Variants in HOOK3 observed in about 807,000 individuals in gnomAD.
HOOK3 encodes the protein protein Hook homolog 3.
HOOK3 carries 24 observed loss-of-function variants against 116.3 expected under a neutral mutation model. That is an observed-to-expected ratio of 0.21 (90% CI 0.15 to 0.29). HOOK3 has a LOEUF of 0.29. HOOK3 is among the 10% of genes least tolerant of loss of function. The probability of loss-of-function intolerance (pLI) is 1.00; values close to 1 mark genes in which losing one functional copy is unlikely to be tolerated. For synonymous variants in HOOK3, 275 were observed against 283.0 expected (o/e 0.97, Z 0.28); for missense variants, 632 against 830.2 (o/e 0.76, Z 2.93).
In HOOK3 at chr8:43,026,096, TA is replaced by T. The variant is rs1196849587; in HGVS notation, c.*7600del. 4.8e-6 allele frequency: 1 copy of T among 210,190 alleles called. No individual in the cohort carries two copies. Among genetic ancestry groups the T allele is most frequent in the Non-Finnish European group, 9.6e-6 (1 of 103,676 alleles). 13.0% of individuals were successfully genotyped at this position (210,190 alleles called of 1,614,324 possible). On this transcript the variant is annotated 3_prime_UTR_variant, in exon 22 of 22. Coordinates refer to ENST00000307602, the MANE Select transcript of HOOK3 (RefSeq NM_032410.4). ...ACATGGGAGACTTCCAGGTAGGCGT[TA>T]ACACTTGAGTGGTAACTAGCTTGAT...
At chr8:42,922,335 A>G (rs1245137714) in intron 2 of HOOK3, among the ~76,000 whole-genome samples, 2 of 151,958 alleles carry the variant, frequency 1.3e-5, no homozygotes, top group Non-Finnish European at 2.9e-5. Flanking sequence ...TGAGGCCAGG[A>G]GTTTGAGACC....
chr8:42,941,320 C>G (rs1808117412), intron 4 of HOOK3, among the ~76,000 whole-genome samples: 1 of 149,940 alleles, frequency 6.7e-6, no homozygotes, highest in Non-Finnish European at 1.5e-5. Context: ...TCTAGACCAT[C>G]CTGGCTAACA....
chr8:42,898,746 C>T (rs1466660622), intron 1 of HOOK3, among the ~76,000 whole-genome samples: 4 of 152,190 alleles, frequency 2.6e-5, no homozygotes, highest in Non-Finnish European at 5.9e-5. Context: ...TACAGAGGCT[C>T]CTTAACTTGC....
At chr8:43,013,486 T>A in intron 21 of HOOK3, 86 bp downstream of exon 21, 1 of 1,114,762 alleles carries the variant, frequency 9.0e-7, no homozygotes, top group Non-Finnish European at 1.2e-6. Context: ...GAAGTCACTC[T>A]ACCAAATGAA....
At chr8:42,945,680 G>A (rs113641784) in intron 5 of HOOK3, among the ~76,000 whole-genome samples, 11 of 152,170 alleles carry the variant, frequency 7.2e-5, no homozygotes, top group African/African-American at 1.7e-4. Flanking sequence ...TAAGGTAGCC[G>A]CAGTTTTTTA....
chr8:43,012,452 G>A (rs1242615420), intron 19 of HOOK3, among the ~76,000 whole-genome samples: 8 of 152,042 alleles, frequency 5.3e-5, no homozygotes, highest in Non-Finnish European at 1.2e-4. Flanking sequence ...TCATTATGTG[G>A]TACATGACTG....
chr8:42,910,450 C>T (rs758889870), intron 2 of HOOK3, among the ~76,000 whole-genome samples: 2 of 152,082 alleles, frequency 1.3e-5, no homozygotes, highest in Non-Finnish European at 2.9e-5. Flanking sequence ...TCTCCTATAA[C>T]GTCCACTCAG....
chr8:42,915,891 C>G (rs948427979), intron 2 of HOOK3, among the ~76,000 whole-genome samples: 8 of 152,120 alleles, frequency 5.3e-5, no homozygotes, highest in African/African-American at 1.9e-4. Flanking sequence ...TCCTGAGAAC[C>G]CTGCATTAGT....
intron 8 of HOOK3, among the ~76,000 whole-genome samples, chr8:42,962,407 GTT>G (rs763537584): frequency 1.4e-4 from 18 of 127,554 alleles, no homozygotes; most frequent in Admixed American, 1.6e-4. Context: ...TGGCCCGTGT[GTT>G]TTTTTTTTTT....
At chr8:42,956,266 T>TG (rs1808434869) in intron 6 of HOOK3, among the ~76,000 whole-genome samples, 2 of 123,668 alleles carry the variant, frequency 1.6e-5, no homozygotes, top group African/African-American at 3.2e-5. Flanking sequence ...GTGTGTGTGT[T>TG]ATCATTAAAC....
intron 3 of HOOK3, among the ~76,000 whole-genome samples, chr8:42,928,502 T>C (rs1164416199): frequency 6.6e-6 from 1 of 152,114 alleles, no homozygotes; most frequent in African/African-American, 2.4e-5. Flanking sequence ...AAACAATTTA[T>C]GATGTTTCAA....
chr8:43,013,897 G>A (rs571937728), intron 21 of HOOK3, among the ~76,000 whole-genome samples: 2 of 152,120 alleles, frequency 1.3e-5, no homozygotes, highest in Admixed American at 6.6e-5. Flanking sequence ...GAATAGTTAC[G>A]GATTTTAAAG....
Position 43,024,295 on chromosome 8 carries a change from G to A in HOOK3, c.*5797G>A, listed in dbSNP as rs1216877895. 2.0e-5 allele frequency: 4 copies of A among 199,564 alleles called. No homozygotes were observed. The East Asian group carries it at 3.1e-4, about 16-fold the overall frequency. The allele number at this position is 199,564 out of a possible 1,614,324, so 12.4% of individuals were successfully genotyped here. The stretch of plus-strand genomic sequence containing the variant: ...GCCTAGCAGTGGCCGTCAAACTGAT[G>A]TAGCATTGTACTTCTCAACAGTGAA... On this transcript the variant is annotated 3_prime_UTR_variant, in exon 22 of 22. Coordinates refer to ENST00000307602, the MANE Select transcript of HOOK3 (RefSeq NM_032410.4).
In HOOK3 at chr8:43,026,775, T is replaced by A. The variant is rs992142798; in HGVS notation, c.*8277T>A. 4.4e-6 allele frequency: 1 copy of A among 227,924 alleles called. No homozygotes were observed. Among genetic ancestry groups the A allele is most frequent in the African/African-American group, 2.2e-5 (1 of 45,022 alleles). 14.1% of individuals were successfully genotyped at this position (227,924 alleles called of 1,614,324 possible). On this transcript the variant is annotated 3_prime_UTR_variant, in exon 22 of 22. Transcript: ENST00000307602. ...TCAAGTCGGAGGATCAGGAAAATGG[T>A]GGGGAAGAGGTGACTGGAAAGGCAG...
intron 4 of HOOK3, among the ~76,000 whole-genome samples, chr8:42,939,553 C>T (rs1358378105): frequency 4.1e-4 from 59 of 144,890 alleles, no homozygotes; most frequent in Non-Finnish European, 4.9e-4. Context: ...CCGGACAGGG[C>T]GGCTGGCCGA....
intron 4 of HOOK3, among the ~76,000 whole-genome samples, chr8:42,939,818 G>C (rs1466155132): frequency 2.0e-5 from 3 of 150,916 alleles, no homozygotes; most frequent in Non-Finnish European, 3.0e-5. Flanking sequence ...GGGCGGCCGG[G>C]CAGAGACGCT....
At chr8:42,991,905 A>G (rs1414133767) in intron 15 of HOOK3, among the ~76,000 whole-genome samples, 1 of 152,104 alleles carries the variant, frequency 6.6e-6, no homozygotes. Context: ...TTTTAACAAT[A>G]CTGATTCTTC....
intron 15 of HOOK3, among the ~76,000 whole-genome samples, chr8:42,992,171 C>T (rs186061277): frequency 0.016 from 2,497 of 151,886 alleles, 30 homozygotes; most frequent in Non-Finnish European, 0.022. Context: ...GAGGCCGAGG[C>T]GGGTGGATCA....
At chr8:42,967,162 G>A (rs879678885) in intron 10 of HOOK3, among the ~76,000 whole-genome samples, 1 of 152,054 alleles carries the variant, frequency 6.6e-6, no homozygotes, top group African/African-American at 2.4e-5. Context: ...CTGCCAATTG[G>A]TGGCTTCCTT....
Sources: gnomAD v4.1 joint callset for allele counts (sites outside exome capture counted in the v4.1 genomes callset) on GRCh38, gnomAD v4.1.1 for gene constraint, MANE v1.5 for transcripts, NCBI Gene and HGNC (gene_info 2026-07-23, HGNC 2026-07-21) for gene names.